MCCC2: variants seen among roughly 807,000 people sequenced by gnomAD.
The protein encoded by MCCC2 is methylcrotonoyl-CoA carboxylase beta chain, mitochondrial.
Under a neutral mutation model 77.2 loss-of-function variants are expected in MCCC2, and 52 were observed. The ratio of observed to expected loss-of-function variants is 0.67; its 90% CI spans 0.54 to 0.85. MCCC2 has a LOEUF of 0.85. Among genes scored for constraint, MCCC2 ranks in the 40% least tolerant of loss-of-function variants. MCCC2 has a pLI of 0.00. For missense variants in MCCC2, 682 were observed against 703.2 expected, an observed-to-expected ratio of 0.97 and a Z score of 0.34; for synonymous variants, 253 against 248.4, an observed-to-expected ratio of 1.02 and a Z score of -0.18.
chr5:71,610,289 G>C (rs1745879138), intron 6 of MCCC2, among the ~76,000 whole-genome samples: 1 of 152,150 alleles, frequency 6.6e-6, no homozygotes, highest in Non-Finnish European at 1.5e-5. Context: ...TTTTTAAGCT[G>C]GTCCGAAAAG....
At chr5:71,600,046 T>TC (rs1405965368) in intron 4 of MCCC2, among the ~76,000 whole-genome samples, 3 of 152,070 alleles carry the variant, frequency 2.0e-5, no homozygotes, top group African/African-American at 7.2e-5. Context: ...ACGCCTGTAG[T>TC]CCCAGCTACT....
intron 16 of MCCC2, among the ~76,000 whole-genome samples, chr5:71,653,928 C>T (rs1747509890): frequency 6.7e-6 from 1 of 150,068 alleles, no homozygotes; most frequent in South Asian, 2.1e-4. Context: ...AAAGACAAAA[C>T]ATACTGATTT....
chr5:71,641,023 TGGA>T lies in MCCC2; in HGVS notation c.1021_1023del (p.Gly341del). The T allele has an allele frequency of 6.2e-7, 1 of 1,614,114 alleles. No homozygotes were observed. ...CTTAGGTCATTGCTAGAATCGTGGATGGAAGCAGATTCACTGAGTTCAAAGCCT... is the reference window on the plus strand; with the variant it reads ...CTTAGGTCATTGCTAGAATCGTGGATAGCAGATTCACTGAGTTCAAAGCCT... On this transcript the variant is annotated inframe_deletion, in exon 11 of 17. Transcript: ENST00000340941.
chr5:71,627,127 A>G (rs1357858961), intron 7 of MCCC2, among the ~76,000 whole-genome samples: 6 of 152,230 alleles, frequency 3.9e-5, no homozygotes, highest in Admixed American at 3.9e-4. Flanking sequence ...TTCACTTAGC[A>G]AAACGTCTTC....
chr5:71,636,574 G>GC (rs970499717), intron 10 of MCCC2: 4 of 152,174 alleles, frequency 2.6e-5, no homozygotes, highest in Admixed American at 2.6e-4. Context: ...GGTAGCACAT[G>GC]CCTGTAATCC....
chr5:71,649,604 G>A (rs892929619), intron 14 of MCCC2, among the ~76,000 whole-genome samples: 2 of 152,228 alleles, frequency 1.3e-5, no homozygotes, highest in African/African-American at 4.8e-5. Flanking sequence ...GCCTTCATCT[G>A]TGGGAAGTTC....
chr5:71,607,604 C>A (rs1375765374), intron 6 of MCCC2, among the ~76,000 whole-genome samples: 1 of 144,814 alleles, frequency 6.9e-6, no homozygotes, highest in East Asian at 2.0e-4. Flanking sequence ...TTAGTTATTT[C>A]TTGCCTTCTG....
intron 6 of MCCC2, among the ~76,000 whole-genome samples, chr5:71,614,523 C>T (rs1260180053): frequency 1.3e-5 from 2 of 151,184 alleles, no homozygotes; most frequent in Admixed American, 1.3e-4. Flanking sequence ...GCTCTTGTCC[C>T]CAGGCTGGAG....
Position 71,657,757 on chromosome 5 carries a change from C to T in MCCC2, c.*897C>T, listed in dbSNP as rs1747624230. On this transcript the variant is annotated 3_prime_UTR_variant, in exon 17 of 17. Transcript: ENST00000340941. Reference sequence around the variant, plus strand: ...TCCTTATTCTTAAATGTATGTGTTTCTCATGGTTTGATTTATTCTTGCTGG... The same window carrying T: ...TCCTTATTCTTAAATGTATGTGTTTTTCATGGTTTGATTTATTCTTGCTGG... 1.3e-5 allele frequency: 2 copies of T among 152,134 alleles called. No individual in the cohort carries two copies. Among genetic ancestry groups the T allele is most frequent in the Non-Finnish European group, 2.9e-5 (2 of 68,056 alleles). 9.4% of individuals were successfully genotyped at this position (152,134 alleles called of 1,614,324 possible).
At chr5:71,609,979 G>C (rs1273175253) in intron 6 of MCCC2, among the ~76,000 whole-genome samples, 2 of 152,176 alleles carry the variant, frequency 1.3e-5, no homozygotes, top group African/African-American at 2.4e-5. Flanking sequence ...AAAGCTGTCA[G>C]ACAGGGACAT....
chr5:71,639,169 G>A (rs757362721), intron 10 of MCCC2, among the ~76,000 whole-genome samples: 1 of 152,160 alleles, frequency 6.6e-6, no homozygotes, highest in Non-Finnish European at 1.5e-5. Flanking sequence ...AGCCTTTAAC[G>A]AGAGAGTAAG....
rs778134175 is a variant in MCCC2 at position 71,596,374 on chromosome 5, T to G, written c.281+10T>G. ...ATCTCATAGACCCAGGGTGCGTACA[T>G]AGCCAAGTACTGACTCAGAGTGTTC... On this transcript the variant is annotated intron_variant, in intron 3 of 16. Coordinates refer to ENST00000340941, the MANE Select transcript of MCCC2 (RefSeq NM_022132.5). 6.2e-7 allele frequency: 1 copy of G among 1,608,672 alleles called. No individual in the cohort carries two copies. Among genetic ancestry groups the G allele is most frequent in the African/African-American group, 1.3e-5 (1 of 74,912 alleles).
chr5:71,619,895 G>A lies in MCCC2; in HGVS notation c.625-6745G>A, dbSNP rs537948512. Among the ~76,000 whole-genome samples the A allele has an allele frequency of 5.3e-5, 8 of 152,090 alleles. No homozygotes were observed. The East Asian group carries it at 1.6e-3, about 30-fold the overall frequency. On this transcript the variant is annotated intron_variant, in intron 6 of 16. Coordinates refer to ENST00000340941, the MANE Select transcript of MCCC2 (RefSeq NM_022132.5). ...AGTCCCAGCTACTCGGGAGGCTGAGGCAGTAGAATCGCTTGGACCCGGGAG... is the reference window on the plus strand; with the variant it reads ...AGTCCCAGCTACTCGGGAGGCTGAGACAGTAGAATCGCTTGGACCCGGGAG...
chr5:71,637,003 C>A (rs562007805), intron 10 of MCCC2, among the ~76,000 whole-genome samples: 1 of 151,952 alleles, frequency 6.6e-6, no homozygotes, highest in African/African-American at 2.4e-5. Flanking sequence ...CTCAGCCTTC[C>A]GAAGTGCTGG....
At chr5:71,618,474 TTTCC>T (rs1160752367) in intron 6 of MCCC2, among the ~76,000 whole-genome samples, 3 of 147,448 alleles carry the variant, frequency 2.0e-5, no homozygotes, top group African/African-American at 7.3e-5. Context: ...TCTTTCTTTC[TTTCC>T]TTCTTTCCTT....
intron 13 of MCCC2, among the ~76,000 whole-genome samples, chr5:71,646,777 A>G (rs190077839): frequency 3.7e-4 from 57 of 152,340 alleles, no homozygotes; most frequent in South Asian, 1.5e-3. Context: ...ACACCCAGAA[A>G]GCAGCAGGAG....
At chr5:71,587,800 G>T (rs964546710) in intron 1 of MCCC2, among the ~76,000 whole-genome samples, 7 of 152,170 alleles carry the variant, frequency 4.6e-5, no homozygotes, top group Non-Finnish European at 8.8e-5. Flanking sequence ...GCCACCTGGG[G>T]AGCTAGCTGA....
intron 6 of MCCC2, among the ~76,000 whole-genome samples, chr5:71,619,740 C>T (rs1746296841): frequency 6.6e-6 from 1 of 152,008 alleles, no homozygotes; most frequent in Non-Finnish European, 1.5e-5. Flanking sequence ...GTGGCTCACA[C>T]CTGTAATCTC....
At chr5:71,635,884 A>G (rs1746910800) in intron 10 of MCCC2, 1 of 163,324 alleles carries the variant, frequency 6.1e-6, no homozygotes, top group African/African-American at 2.4e-5. Context: ...CCCCTTGACT[A>G]TAAAATATTA....
Sources: allele counts gnomAD v4.1 joint callset (sites outside exome capture counted in the v4.1 genomes callset), GRCh38; gene constraint gnomAD v4.1.1; transcripts MANE v1.5; gene names NCBI Gene and HGNC (gene_info 2026-07-23, HGNC 2026-07-21).